The following RBFOX1 variants were observed in gnomAD, a reference collection of about 807,000 sequenced individuals.
RBFOX1 encodes RNA binding fox-1 homolog 1, also known as RNA binding protein fox-1 homolog 1.
A neutral mutation model predicts 57.7 loss-of-function variants in RBFOX1; 8 were observed. The observed-to-expected ratio is 0.14, with a 90% CI of 0.08 to 0.25. RBFOX1 has a LOEUF of 0.25. Among genes scored for constraint, RBFOX1 ranks in the 10% least tolerant of loss-of-function variants. The pLI is 1.00. For missense variants in RBFOX1, 611 were observed against 548.5 expected, an observed-to-expected ratio of 1.11 and a Z score of -1.14; for synonymous variants, 326 against 222.4, an observed-to-expected ratio of 1.47 and a Z score of -4.15.
At chr16:6,947,602 C>G (rs900607723) in intron 3 of RBFOX1, among the ~76,000 whole-genome samples, 1 of 152,296 alleles carries the variant, frequency 6.6e-6, no homozygotes, top group East Asian at 1.9e-4. Flanking sequence ...TCCTGCCTTG[C>G]GTAGAAGGAA....
intron 2 of RBFOX1, among the ~76,000 whole-genome samples, chr16:5,587,890 T>A (rs7198523): frequency 0.14 from 21,399 of 152,134 alleles, 2,058 homozygotes; most frequent in East Asian, 0.49. Flanking sequence ...ACCTATGTCC[T>A]CATGATAACG....
chr16:6,503,310 C>T (rs1030842001), intron 2 of RBFOX1, among the ~76,000 whole-genome samples: 6 of 152,178 alleles, frequency 3.9e-5, no homozygotes, highest in Admixed American at 2.0e-4. Context: ...CTTCTCCAGA[C>T]GAGATGGGAT....
At chr16:7,143,992 G>A (rs1280160369) in intron 4 of RBFOX1, among the ~76,000 whole-genome samples, 6 of 152,074 alleles carry the variant, frequency 3.9e-5, no homozygotes, top group Admixed American at 3.9e-4. Context: ...CCATGGTGTT[G>A]TCTTTGGAAC....
intron 2 of RBFOX1, among the ~76,000 whole-genome samples, chr16:5,557,536 AG>A: frequency 6.6e-6 from 1 of 152,324 alleles, no homozygotes; most frequent in African/African-American, 2.4e-5. Flanking sequence ...GATGGGGAGC[AG>A]GGATCACTCC....
intron 2 of RBFOX1, among the ~76,000 whole-genome samples, chr16:5,506,481 TG>T (rs1308748408): frequency 6.6e-6 from 1 of 152,172 alleles, no homozygotes; most frequent in East Asian, 1.9e-4. Context: ...AAATTAGGAA[TG>T]TCCCCAGTGC....
intron 4 of RBFOX1, among the ~76,000 whole-genome samples, chr16:5,867,619 C>A (rs761830047): frequency 6.6e-6 from 1 of 152,164 alleles, no homozygotes; most frequent in Non-Finnish European, 1.5e-5. Flanking sequence ...AGACAAAGCC[C>A]TGGCTCTGCC....
intron 4 of RBFOX1, among the ~76,000 whole-genome samples, chr16:7,145,101 C>G (rs867686632): frequency 6.6e-6 from 1 of 152,214 alleles, no homozygotes; most frequent in Non-Finnish European, 1.5e-5. Flanking sequence ...TGATCCCTTT[C>G]CAGACATAAG....
intron 3 of RBFOX1, among the ~76,000 whole-genome samples, chr16:5,840,052 A>G (rs2056578763): frequency 6.6e-6 from 1 of 152,232 alleles, no homozygotes; most frequent in Non-Finnish European, 1.5e-5. Flanking sequence ...CAAGGCACTC[A>G]TAATCCATTG....
chr16:5,743,580 T>G (rs1302554993), intron 3 of RBFOX1, among the ~76,000 whole-genome samples: 1 of 152,218 alleles, frequency 6.6e-6, no homozygotes, highest in African/African-American at 2.4e-5. Context: ...AAACCTATCT[T>G]TAAAAGTAAT....
intron 3 of RBFOX1, among the ~76,000 whole-genome samples, chr16:7,026,725 C>T (rs1252290721): frequency 2.6e-5 from 4 of 152,170 alleles, no homozygotes; most frequent in African/African-American, 9.7e-5. Context: ...CCTCTTTCTT[C>T]CATACCTCCC....
intron 3 of RBFOX1, among the ~76,000 whole-genome samples, chr16:6,946,672 A>C (rs1489848057): frequency 1.3e-5 from 2 of 151,982 alleles, no homozygotes; most frequent in Non-Finnish European, 2.9e-5. Flanking sequence ...GTGAGATCAC[A>C]GTTCACTGCA....
intron 4 of RBFOX1, among the ~76,000 whole-genome samples, chr16:7,196,940 C>G (rs556825520): frequency 7.6e-4 from 115 of 152,268 alleles, no homozygotes; most frequent in African/African-American, 2.4e-3. Flanking sequence ...GTTGGGTTAT[C>G]TGAAATATAT....
At chr16:7,083,907 C>T (rs979998360) in intron 4 of RBFOX1, among the ~76,000 whole-genome samples, 1 of 152,118 alleles carries the variant, frequency 6.6e-6, no homozygotes, top group African/African-American at 2.4e-5. Context: ...GGAACCCTAT[C>T]ACTTAGCATC....
intron 3 of RBFOX1, among the ~76,000 whole-genome samples, chr16:5,683,642 G>A (rs2050413846): frequency 6.6e-6 from 1 of 151,890 alleles, no homozygotes; most frequent in South Asian, 2.1e-4. Context: ...CTTTAGTTCT[G>A]GGACTTGGAC....
rs998073173 is a variant in RBFOX1 at position 6,220,479 on chromosome 16, G to A, written c.-126-96516G>A. ...CTTTCATTTCTCCTAGATTCCCTCA[G>A]TCCTGTAGACTATATTGAGTTATAA... is the stretch of plus-strand genomic sequence containing the variant. On this transcript the variant is annotated intron_variant, in intron 1 of 15. Transcript: ENST00000550418. 1.4e-4 allele frequency among the ~76,000 whole-genome samples: 21 copies of A among 152,114 alleles called. 1 individual carries two copies. The highest frequency in any genetic ancestry group is 6.6e-4 in the Admixed American group (10 of 15,266).
At chr16:7,293,941 T>A (rs2095843020) in intron 4 of RBFOX1, among the ~76,000 whole-genome samples, 1 of 152,122 alleles carries the variant, frequency 6.6e-6, no homozygotes. Flanking sequence ...GAGCTGGAGA[T>A]GTTAGAGGTG....
intron 4 of RBFOX1, among the ~76,000 whole-genome samples, chr16:7,487,709 C>G (rs141495632): frequency 6.6e-6 from 1 of 152,262 alleles, no homozygotes; most frequent in East Asian, 1.9e-4. Flanking sequence ...TCAAACCTCT[C>G]CATGCAGACA....
chr16:7,257,260 C>G (rs931693242), intron 4 of RBFOX1, among the ~76,000 whole-genome samples: 1 of 152,184 alleles, frequency 6.6e-6, no homozygotes, highest in Non-Finnish European at 1.5e-5. Flanking sequence ...CGATCCCTGA[C>G]TGGGAGGAAG....
chr16:6,460,226 TG>T (rs978764663), intron 2 of RBFOX1, among the ~76,000 whole-genome samples: 13 of 152,108 alleles, frequency 8.5e-5, no homozygotes, highest in African/African-American at 2.9e-4. Context: ...CTCCTTGGCT[TG>T]TACGTGGCCA....
Sources: allele counts gnomAD v4.1 joint callset (sites outside exome capture counted in the v4.1 genomes callset), GRCh38; gene constraint gnomAD v4.1.1; transcripts MANE v1.5; gene names NCBI Gene and HGNC (gene_info 2026-07-23, HGNC 2026-07-21).